Variants in MAGI2 observed in about 807,000 individuals in gnomAD.
MAGI2 encodes the protein membrane-associated guanylate kinase, WW and PDZ domain-containing protein 2.
In MAGI2, 35 loss-of-function variants were observed where a neutral mutation model predicts 133.3. That is an observed-to-expected ratio of 0.26 (90% CI 0.20 to 0.35). The LOEUF is 0.35. MAGI2 is among the 10% of genes least tolerant of loss of function. The pLI is 1.00. For synonymous variants in MAGI2, 729 were observed against 710.6 expected, an observed-to-expected ratio of 1.03 and a Z score of -0.41; for missense variants, 1,636 against 1,863.4, an observed-to-expected ratio of 0.88 and a Z score of 2.25.
intron 1 of MAGI2, among the ~76,000 whole-genome samples, chr7:79,030,754 C>G (rs1372502738): frequency 6.6e-6 from 1 of 152,092 alleles, no homozygotes; most frequent in Non-Finnish European, 1.5e-5. Context: ...AAAATCAAAA[C>G]AGAAATCCCA....
intron 1 of MAGI2, among the ~76,000 whole-genome samples, chr7:79,070,278 A>G (rs934968476): frequency 3.3e-5 from 5 of 151,608 alleles, no homozygotes; most frequent in Non-Finnish European, 5.9e-5. Context: ...ACATAGTCCC[A>G]TGTTTCTTGG....
intron 2 of MAGI2, among the ~76,000 whole-genome samples, chr7:78,816,092 A>G (rs246464): frequency 0.82 from 124,398 of 152,136 alleles, 51,793 homozygotes; most frequent in East Asian, 0.96. Flanking sequence ...AAGTGATAAG[A>G]AAGCAAAACA....
At position 79,087,965 on chromosome 7, in the gene MAGI2, T is replaced by C. The variant is rs1051026812; in HGVS notation, c.302-80759A>G. 4.0e-5 allele frequency among the ~76,000 whole-genome samples: 6 copies of C among 151,828 alleles called. No homozygotes were observed. The East Asian group carries it at 1.2e-3, about 29-fold the overall frequency. ...GCTTTGTTCTTTTGGATTAGGATTA[T>C]TTTTACTATGCAGCCTTATTGGTTC... On this transcript the variant is annotated intron_variant, in intron 1 of 21. Transcript: ENST00000354212.
At chr7:78,748,160 A>G (rs1317716250) in intron 2 of MAGI2, among the ~76,000 whole-genome samples, 1 of 17,168 alleles carries the variant, frequency 5.8e-5, no homozygotes, top group African/African-American at 4.3e-4. Context: ...TGAGGATTTA[A>G]AAAAAAAAAA....
At chr7:79,064,515 A>C (rs1814111277) in intron 1 of MAGI2, among the ~76,000 whole-genome samples, 1 of 152,086 alleles carries the variant, frequency 6.6e-6, no homozygotes. Flanking sequence ...AATGATTTTC[A>C]GTCCGAATCA....
intron 2 of MAGI2, among the ~76,000 whole-genome samples, chr7:78,801,282 T>C (rs1788035707): frequency 1.3e-5 from 2 of 152,256 alleles, no homozygotes; most frequent in South Asian, 2.1e-4. Context: ...ACTTCAATAA[T>C]CAGAAAGCAA....
chr7:78,448,935 C>G (rs967795328), intron 6 of MAGI2, among the ~76,000 whole-genome samples: 1 of 151,982 alleles, frequency 6.6e-6, no homozygotes, highest in African/African-American at 2.4e-5. Context: ...AGAGCGAAAT[C>G]TTTTACCTTG....
At position 79,115,646 on chromosome 7, in the gene MAGI2, AT is replaced by A. The variant is rs538362524; in HGVS notation, c.302-108441del. The stretch of plus-strand genomic sequence containing the variant: ...TTAAAATTAAGCATGATGAATAACC[AT>A]TTCATGTATGGTCTGTTCTGAGCTC... On this transcript the variant is annotated intron_variant, in intron 1 of 21. Transcript: ENST00000354212. Among the ~76,000 whole-genome samples, 3 of 152,196 alleles carry A rather than the reference AT, an allele frequency of 2.0e-5. No individual in the cohort carries two copies. The South Asian group carries it at 6.2e-4, about 32-fold the overall frequency.
intron 7 of MAGI2, among the ~76,000 whole-genome samples, chr7:78,360,740 G>A (rs1218761494): frequency 3.3e-5 from 5 of 152,186 alleles, no homozygotes; most frequent in South Asian, 2.1e-4. Context: ...CACTGCTCAC[G>A]CAGCTCACAT....
At chr7:78,193,614 A>G (rs534885466) in intron 12 of MAGI2, among the ~76,000 whole-genome samples, 2 of 152,294 alleles carry the variant, frequency 1.3e-5, no homozygotes, top group East Asian at 3.9e-4. Context: ...ACTCTATATT[A>G]TGTAGCTAAG....
At chr7:79,351,294 T>C (rs1473712946) in intron 1 of MAGI2, among the ~76,000 whole-genome samples, 1 of 152,160 alleles carries the variant, frequency 6.6e-6, no homozygotes, top group Non-Finnish European at 1.5e-5. Context: ...CTGTTTTGTC[T>C]TGGTATGCAT....
intron 21 of MAGI2, among the ~76,000 whole-genome samples, chr7:78,046,258 CA>C: frequency 6.8e-6 from 1 of 147,548 alleles, no homozygotes; most frequent in Non-Finnish European, 1.5e-5. Flanking sequence ...AAAAATTAAC[CA>C]GGCATGTTGG....
At chr7:78,736,547 T>G (rs1029493642) in intron 2 of MAGI2, among the ~76,000 whole-genome samples, 3 of 152,176 alleles carry the variant, frequency 2.0e-5, no homozygotes, top group African/African-American at 7.2e-5. Context: ...GTTCTTAACA[T>G]GTAGTGTGTA....
chr7:78,917,502 G>A lies in MAGI2; in HGVS notation c.418+89588C>T, dbSNP rs533888062. ...GAAGAAATTGTCCTTGTGATGTCTA[G>A]GATGCATCTGTTCTTCCCGGTTTTA... On this transcript the variant is annotated intron_variant, in intron 2 of 21. Transcript: ENST00000354212. Among the ~76,000 whole-genome samples the A allele has an allele frequency of 2.6e-3, 391 of 152,174 alleles. 2 individuals carry two copies. The highest frequency in any genetic ancestry group is 9.1e-3 in the African/African-American group (379 of 41,524).
chr7:78,804,732 G>C (rs963041526), intron 2 of MAGI2, among the ~76,000 whole-genome samples: 3 of 127,134 alleles, frequency 2.4e-5, no homozygotes, highest in East Asian at 2.2e-4. Context: ...CTGGGCAACA[G>C]AGCGAGACTC....
intron 2 of MAGI2, among the ~76,000 whole-genome samples, chr7:78,768,544 G>A (rs1173688618): frequency 1.3e-5 from 2 of 152,146 alleles, no homozygotes; most frequent in Non-Finnish European, 1.5e-5. Flanking sequence ...CCTATGGGAA[G>A]GTGCTCACGA....
At chr7:79,394,104 T>C (rs2129154591) in intron 1 of MAGI2, among the ~76,000 whole-genome samples, 1 of 152,244 alleles carries the variant, frequency 6.6e-6, no homozygotes, top group Non-Finnish European at 1.5e-5. Context: ...GTCTCCCAAT[T>C]CAGGATCCCA....
At chr7:78,661,876 A>G (rs1459855328) in intron 2 of MAGI2, among the ~76,000 whole-genome samples, 1 of 152,098 alleles carries the variant, frequency 6.6e-6, no homozygotes, top group Non-Finnish European at 1.5e-5. Flanking sequence ...TTTTACATGC[A>G]ATTATTTGAA....
intron 10 of MAGI2, among the ~76,000 whole-genome samples, chr7:78,221,208 T>C (rs1788795501): frequency 6.6e-6 from 1 of 152,232 alleles, no homozygotes; most frequent in Admixed American, 6.5e-5. Context: ...CAACAGTCTA[T>C]TTTTCCTTTG....
Sources: gnomAD v4.1 joint callset for allele counts (sites outside exome capture counted in the v4.1 genomes callset) on GRCh38, gnomAD v4.1.1 for gene constraint, MANE v1.5 for transcripts, NCBI Gene and HGNC (gene_info 2026-07-23, HGNC 2026-07-21) for gene names.